Variants in CSMD1 observed in about 807,000 individuals in gnomAD.
The protein encoded by CSMD1 is CUB and Sushi multiple domains 1, also known as CUB and sushi domain-containing protein 1.
Under a neutral mutation model 417.5 loss-of-function variants are expected in CSMD1, and 213 were observed. That is an observed-to-expected ratio of 0.51 (90% CI 0.46 to 0.57). The LOEUF (loss-of-function observed/expected upper bound fraction) is 0.57, where lower values mean the gene tolerates loss of function less well. Ranked by LOEUF, CSMD1 falls within the 20% of genes least tolerant of loss-of-function variation. The probability of loss-of-function intolerance (pLI) is 0.00; values close to 1 mark genes in which losing one functional copy is unlikely to be tolerated. For synonymous variants in CSMD1, 2,862 were observed against 1,736.8 expected (o/e 1.65, Z -16.11); for missense variants, 6,923 against 4,529.7 (o/e 1.53, Z -15.17).
chr8:3,605,316 C>T (rs188531873), intron 8 of CSMD1, among the ~76,000 whole-genome samples: 23 of 152,286 alleles, frequency 1.5e-4, no homozygotes, highest in Non-Finnish European at 2.8e-4. Flanking sequence ...GAAAAGAACA[C>T]CACATTTACT....
At chr8:3,279,037 G>C (rs903807878) in intron 26 of CSMD1, 5 of 152,134 alleles carry the variant, frequency 3.3e-5, no homozygotes, top group Non-Finnish European at 7.3e-5. Context: ...CAGGTTCTCA[G>C]GGAGATGGAG....
chr8:4,184,105 T>C (rs1246250063), intron 3 of CSMD1, among the ~76,000 whole-genome samples: 1 of 152,228 alleles, frequency 6.6e-6, no homozygotes, highest in Non-Finnish European at 1.5e-5. Flanking sequence ...ATTTTAGGAA[T>C]GTTAACTATA....
chr8:3,516,523 T>C (rs1477961653), intron 10 of CSMD1, among the ~76,000 whole-genome samples: 1 of 152,230 alleles, frequency 6.6e-6, no homozygotes, highest in African/African-American at 2.4e-5. Context: ...CATTACACCT[T>C]TGTGAGAAGC....
At chr8:4,655,241 G>A (rs903169458) in intron 1 of CSMD1, among the ~76,000 whole-genome samples, 1 of 151,966 alleles carries the variant, frequency 6.6e-6, no homozygotes, top group East Asian at 1.9e-4. Flanking sequence ...TACCTTGGTT[G>A]CTAAAATTGA....
At chr8:2,946,953 A>T (rs74695475) in intron 68 of CSMD1, among the ~76,000 whole-genome samples, 2,992 of 152,170 alleles carry the variant, frequency 0.02, 85 homozygotes, top group African/African-American at 0.065. Context: ...TGTGGTTTTG[A>T]TTTGCATTTC....
chr8:4,186,438 C>G (rs1339067732), intron 3 of CSMD1, among the ~76,000 whole-genome samples: 3 of 151,732 alleles, frequency 2.0e-5, no homozygotes, highest in Admixed American at 2.0e-4. Context: ...TTTACAGAGC[C>G]CAGGTTTCCA....
At chr8:4,692,962 C>T (rs1806868762) in intron 1 of CSMD1, among the ~76,000 whole-genome samples, 1 of 152,178 alleles carries the variant, frequency 6.6e-6, no homozygotes, top group South Asian at 2.1e-4. Flanking sequence ...CAAGAGGTCA[C>T]CTGCCTTATT....
At chr8:3,998,832 C>T (rs964888799) in intron 4 of CSMD1, among the ~76,000 whole-genome samples, 4 of 150,734 alleles carry the variant, frequency 2.7e-5, no homozygotes, top group Non-Finnish European at 5.9e-5. Context: ...TTTATTTTAT[C>T]TATTACAAAA....
intron 5 of CSMD1, among the ~76,000 whole-genome samples, chr8:3,864,171 A>G (rs778273103): frequency 2.0e-5 from 3 of 152,222 alleles, no homozygotes; most frequent in Non-Finnish European, 4.4e-5. Flanking sequence ...ATATTATAGG[A>G]AATCTGCTAA....
At chr8:4,299,320 T>G (rs762674476) in intron 3 of CSMD1, among the ~76,000 whole-genome samples, 1 of 152,320 alleles carries the variant, frequency 6.6e-6, no homozygotes, top group Middle Eastern at 3.4e-3. Flanking sequence ...ACGCACTTTT[T>G]AAATAATTAC....
chr8:4,615,577 G>T (rs922049261), intron 2 of CSMD1, among the ~76,000 whole-genome samples: 2 of 152,210 alleles, frequency 1.3e-5, no homozygotes, highest in Admixed American at 6.5e-5. Context: ...ATACTATGAG[G>T]ATAAACACTT....
chr8:3,683,675 TC>T (rs1204109530), intron 7 of CSMD1, among the ~76,000 whole-genome samples: 4 of 152,198 alleles, frequency 2.6e-5, no homozygotes, highest in Non-Finnish European at 5.9e-5. Context: ...TGTGAGGTTG[TC>T]ATCTCTTTTC....
intron 23 of CSMD1, among the ~76,000 whole-genome samples, chr8:3,310,924 T>TA (rs773641938): frequency 6.6e-6 from 1 of 152,174 alleles, no homozygotes; most frequent in Non-Finnish European, 1.5e-5. Context: ...ATATTGCACG[T>TA]AATGCTTCTA....
At chr8:3,999,523 G>A (rs756658299) in intron 4 of CSMD1, among the ~76,000 whole-genome samples, 2 of 152,198 alleles carry the variant, frequency 1.3e-5, no homozygotes, top group Admixed American at 6.5e-5. Context: ...GCAACAGTAA[G>A]AGGGTGATAT....
In CSMD1 at chr8:3,932,071, A is replaced by G. The variant is rs574698510; in HGVS notation, c.818+65832T>C. Among the ~76,000 whole-genome samples the G allele has an allele frequency of 9.3e-5, 14 of 150,488 alleles. 3 individuals carry two copies. The highest frequency in any genetic ancestry group is 1.7e-4 in the African/African-American group (7 of 40,810). On this transcript the variant is annotated intron_variant, in intron 5 of 69. Coordinates refer to ENST00000635120, the MANE Select transcript of CSMD1 (RefSeq NM_033225.6). ...TCAGAGAGTAGGATTCAATATAAAC[A>G]TATCTATTGGAATGACACACATCCA... is the stretch of plus-strand genomic sequence containing the variant.
intron 1 of CSMD1, among the ~76,000 whole-genome samples, chr8:4,916,793 C>A (rs891965346): frequency 1.3e-5 from 2 of 152,164 alleles, no homozygotes; most frequent in Non-Finnish European, 2.9e-5. Flanking sequence ...CTAACGTAGG[C>A]TTTACTATAT....
intron 1 of CSMD1, among the ~76,000 whole-genome samples, chr8:4,893,546 C>A (rs1049344093): frequency 1.3e-5 from 2 of 152,084 alleles, no homozygotes; most frequent in Non-Finnish European, 2.9e-5. Flanking sequence ...TTTATGTTTT[C>A]CTCAAACCCA....
intron 3 of CSMD1, among the ~76,000 whole-genome samples, chr8:4,389,533 C>G: frequency 6.6e-6 from 1 of 152,150 alleles, no homozygotes; most frequent in East Asian, 1.9e-4. Flanking sequence ...ATATACTCAG[C>G]AGAAGACACT....
chr8:3,626,773 A>G (rs1796511831), intron 7 of CSMD1, among the ~76,000 whole-genome samples: 1 of 150,446 alleles, frequency 6.6e-6, no homozygotes, highest in South Asian at 2.1e-4. Context: ...ATTCAGAATA[A>G]GAGAATAGTG....
Sources: gnomAD v4.1 joint callset for allele counts (sites outside exome capture counted in the v4.1 genomes callset) on GRCh38, gnomAD v4.1.1 for gene constraint, MANE v1.5 for transcripts, NCBI Gene and HGNC (gene_info 2026-07-23, HGNC 2026-07-21) for gene names.